The following SNX27 variants were observed in gnomAD, a reference collection of about 807,000 sequenced individuals.
SNX27 encodes the protein sorting nexin-27.
In SNX27, 22 loss-of-function variants were observed where a neutral mutation model predicts 71.6. That is an observed-to-expected ratio of 0.31 (90% CI 0.22 to 0.44). The LOEUF is 0.44. Among genes scored for constraint, SNX27 ranks in the 20% least tolerant of loss-of-function variants. SNX27 has a pLI of 1.00. For synonymous variants in SNX27, 269 were observed against 277.2 expected, an observed-to-expected ratio of 0.97 and a Z score of 0.29; for missense variants, 531 against 698.6, an observed-to-expected ratio of 0.76 and a Z score of 2.70.
chr1:151,616,553 T>C (rs1398057929), intron 1 of SNX27, among the ~76,000 whole-genome samples: 1 of 152,246 alleles, frequency 6.6e-6, no homozygotes, highest in Non-Finnish European at 1.5e-5. Flanking sequence ...GTCAGTTTTT[T>C]AACTTCATTT....
At chr1:151,650,666 T>G (rs1669284580) in intron 2 of SNX27, among the ~76,000 whole-genome samples, 1 of 152,056 alleles carries the variant, frequency 6.6e-6, no homozygotes, top group Non-Finnish European at 1.5e-5. Context: ...TTTGGCAGGG[T>G]CATAGGACAA....
intron 1 of SNX27, among the ~76,000 whole-genome samples, chr1:151,623,151 AT>A (rs1264984335): frequency 2.2e-5 from 3 of 133,820 alleles, no homozygotes; most frequent in African/African-American, 5.8e-5. Context: ...ATATATATAT[AT>A]TTTTTTTTTG....
Position 151,694,668 on chromosome 1 carries a change from C to T in SNX27, c.*251C>T. 1 of 410,312 alleles carries T rather than the reference C, an allele frequency of 2.4e-6. No individual in the cohort carries two copies. The allele number at this position is 410,312 out of a possible 1,614,324, so 25.4% of individuals were successfully genotyped here. The stretch of plus-strand genomic sequence containing the variant: ...AGGCAGGAAAAGAAATAAGCCCAAC[C>T]AACTTGCCAAAGGTATCTTTGTCCT... On this transcript the variant is annotated 3_prime_UTR_variant, in exon 12 of 12. Coordinates refer to ENST00000458013, the MANE Select transcript of SNX27 (RefSeq NM_001330723.2).
In SNX27 at chr1:151,697,146, C is replaced by T. The variant is rs1253503688; in HGVS notation, c.*2729C>T. The T allele has an allele frequency of 1.3e-5, 2 of 152,216 alleles. No individual in the cohort carries two copies. Among genetic ancestry groups the T allele is most frequent in the East Asian group, 3.8e-4 (2 of 5,202 alleles). The allele number at this position is 152,216 out of a possible 1,614,324, so 9.4% of individuals were successfully genotyped here. On this transcript the variant is annotated 3_prime_UTR_variant, in exon 12 of 12. Transcript: ENST00000458013. ...TTTGAAGACTTTGACACAGAACTAACTTCTTTTGACTTAAATGAATTTAAA... is the reference window on the plus strand; with the variant it reads ...TTTGAAGACTTTGACACAGAACTAATTTCTTTTGACTTAAATGAATTTAAA...
At chr1:151,630,849 C>T (rs957334723) in intron 1 of SNX27, among the ~76,000 whole-genome samples, 4 of 152,158 alleles carry the variant, frequency 2.6e-5, no homozygotes, top group South Asian at 2.1e-4. Flanking sequence ...CTGGCTAACA[C>T]GGTGAAACCC....
rs958406118 is a variant in SNX27 at position 151,624,204 on chromosome 1, C to T, written c.311+11692C>T. ...TGGTCTCAAACTCCTGGGCTCAAGCCGTCCTCCTGCCTTGGCCTCCCAAAG... is the reference window on the plus strand; with the variant it reads ...TGGTCTCAAACTCCTGGGCTCAAGCTGTCCTCCTGCCTTGGCCTCCCAAAG... On this transcript the variant is annotated intron_variant, in intron 1 of 11. Coordinates refer to ENST00000458013, the MANE Select transcript of SNX27 (RefSeq NM_001330723.2). 5.9e-5 allele frequency among the ~76,000 whole-genome samples: 9 copies of T among 151,542 alleles called. 1 individual carries two copies. The South Asian group carries it at 8.3e-4, about 14-fold the overall frequency.
At chr1:151,660,958 C>G in intron 4 of SNX27, 96 bp downstream of exon 4, 1 of 934,008 alleles carries the variant, frequency 1.1e-6, no homozygotes, top group Non-Finnish European at 1.8e-6. Flanking sequence ...TTTCCATAAG[C>G]TCTCCAAAGG....
At chr1:151,623,649 C>T (rs1302438437) in intron 1 of SNX27, among the ~76,000 whole-genome samples, 1 of 152,140 alleles carries the variant, frequency 6.6e-6, no homozygotes, top group Non-Finnish European at 1.5e-5. Flanking sequence ...ATCCTCCCGT[C>T]TCGGCCTCCC....
At chr1:151,646,944 G>T (rs1669073601) in intron 2 of SNX27, among the ~76,000 whole-genome samples, 1 of 151,180 alleles carries the variant, frequency 6.6e-6, no homozygotes, top group Non-Finnish European at 1.5e-5. Flanking sequence ...ACACTTACAA[G>T]AGTATATTTC....
intron 7 of SNX27, among the ~76,000 whole-genome samples, chr1:151,673,025 T>G (rs1214996294): frequency 6.6e-6 from 1 of 152,012 alleles, no homozygotes; most frequent in Non-Finnish European, 1.5e-5. Context: ...TTGGGTTTGG[T>G]TTGCTCTTGC....
chr1:151,657,976 G>C (rs12732720), intron 2 of SNX27, among the ~76,000 whole-genome samples: 34 of 152,038 alleles, frequency 2.2e-4, no homozygotes, highest in Non-Finnish European at 4.3e-4. Context: ...ACTCCAGCCC[G>C]GGCAACAGAG....
intron 1 of SNX27, among the ~76,000 whole-genome samples, chr1:151,637,382 G>A (rs1019031223): frequency 6.6e-6 from 1 of 152,028 alleles, no homozygotes; most frequent in Non-Finnish European, 1.5e-5. Context: ...GTTTCACCGT[G>A]TTAGCCAGGA....
In SNX27 at chr1:151,693,379, G is replaced by A. The variant is rs773541014; in HGVS notation, c.1519-45G>A. 9 of 1,579,462 alleles carry A rather than the reference G, an allele frequency of 5.7e-6. No homozygotes were observed. The Admixed American group carries it at 1.3e-4, about 24-fold the overall frequency. ...GAGTTCAAAGGCACAGTCCTGAGAT[G>A]CCTGCTCTTGAGAAGTTAGTGAGTG... On this transcript the variant is annotated intron_variant, in intron 10 of 11. Transcript: ENST00000458013.
At chr1:151,677,039 T>C (rs979389309) in intron 7 of SNX27, 4 of 152,156 alleles carry the variant, frequency 2.6e-5, no homozygotes, top group African/African-American at 2.4e-5. Context: ...TTATTGTTTC[T>C]ATATAATATA....
intron 7 of SNX27, among the ~76,000 whole-genome samples, chr1:151,674,749 C>T (rs745547100): frequency 6.6e-6 from 1 of 151,716 alleles, no homozygotes; most frequent in African/African-American, 2.4e-5. Context: ...GGCAATGGCG[C>T]GATCTTGGCT....
chr1:151,662,314 G>A (rs1435808666), intron 5 of SNX27, 44 bp downstream of exon 5: 1 of 1,341,846 alleles, frequency 7.5e-7, no homozygotes, highest in Admixed American at 1.7e-5. Flanking sequence ...ATGGTGTGAA[G>A]CTAAGGAAGA....
chr1:151,644,050 CA>C (rs1015456272), intron 2 of SNX27, among the ~76,000 whole-genome samples: 16 of 148,052 alleles, frequency 1.1e-4, no homozygotes, highest in Middle Eastern at 3.5e-3. Context: ...GACTTCGTCT[CA>C]AAAAAAAAAT....
At chr1:151,622,235 T>A (rs560908096) in intron 1 of SNX27, among the ~76,000 whole-genome samples, 1 of 152,246 alleles carries the variant, frequency 6.6e-6, no homozygotes, top group African/African-American at 2.4e-5. Context: ...GTAAAGACTG[T>A]CTTTCATAAA....
At chr1:151,669,961 G>A (rs568693983) in intron 7 of SNX27, among the ~76,000 whole-genome samples, 1 of 152,116 alleles carries the variant, frequency 6.6e-6, no homozygotes, top group East Asian at 1.9e-4. Flanking sequence ...TCACCCTATT[G>A]TGCTATCAAA....
Sources: allele counts gnomAD v4.1 joint callset (sites outside exome capture counted in the v4.1 genomes callset), GRCh38; gene constraint gnomAD v4.1.1; transcripts MANE v1.5; gene names NCBI Gene and HGNC (gene_info 2026-07-23, HGNC 2026-07-21).